STXBP5L: variants seen among roughly 807,000 people sequenced by gnomAD.
STXBP5L encodes syntaxin-binding protein 5-like.
A neutral mutation model predicts 144.5 loss-of-function variants in STXBP5L; 65 were observed. That is an observed-to-expected ratio of 0.45 (90% CI 0.37 to 0.55). The LOEUF is 0.55. Among genes scored for constraint, STXBP5L ranks in the 20% least tolerant of loss-of-function variants. STXBP5L has a pLI of 0.00. For synonymous variants in STXBP5L, 505 were observed against 469.6 expected (o/e 1.08, Z -0.97); for missense variants, 1,298 against 1,405.5 (o/e 0.92, Z 1.22).
At chr3:121,097,354 G>T (rs565132385) in intron 5 of STXBP5L, among the ~76,000 whole-genome samples, 2 of 152,266 alleles carry the variant, frequency 1.3e-5, no homozygotes, top group Admixed American at 1.3e-4. Flanking sequence ...AGCCACTGGG[G>T]TATGGAAAGA....
intron 5 of STXBP5L, among the ~76,000 whole-genome samples, chr3:121,048,462 T>G (rs992316505): frequency 6.6e-6 from 1 of 152,188 alleles, no homozygotes; most frequent in African/African-American, 2.4e-5. Flanking sequence ...TGCTCTCTCC[T>G]TATCTCTTGC....
Position 121,319,491 on chromosome 3 carries a change from C to A in STXBP5L, c.2176+951C>A, listed in dbSNP as rs140278017. ...AGGCTATGTATAATCTAGTTATATC[C>A]TATGTAAATTTTTCTCTTAGTCATA... On this transcript the variant is annotated intron_variant, in intron 20 of 26. Transcript: ENST00000471454. Among the ~76,000 whole-genome samples, 47 of 151,948 alleles carry A rather than the reference C, an allele frequency of 3.1e-4. No individual in the cohort carries two copies. The East Asian group carries it at 6.2e-3, about 20-fold the overall frequency.
chr3:121,007,459 T>A (rs570286077), intron 3 of STXBP5L, among the ~76,000 whole-genome samples: 1 of 152,070 alleles, frequency 6.6e-6, no homozygotes, highest in East Asian at 1.9e-4. Context: ...AATTAGTGTT[T>A]TTTTAATTCC....
chr3:120,908,931 TC>T (rs1259499850), intron 1 of STXBP5L, among the ~76,000 whole-genome samples: 1 of 151,520 alleles, frequency 6.6e-6, no homozygotes, highest in Non-Finnish European at 1.5e-5. Flanking sequence ...CCTCCCCCCC[TC>T]CCCGGCAGCT....
chr3:121,319,880 G>A (rs1303696602), intron 20 of STXBP5L, among the ~76,000 whole-genome samples: 2 of 152,168 alleles, frequency 1.3e-5, no homozygotes, highest in Non-Finnish European at 2.9e-5. Flanking sequence ...ACTTTGGGAG[G>A]CCAAGGGGGG....
chr3:121,020,425 T>A (rs1576680904), intron 3 of STXBP5L, among the ~76,000 whole-genome samples: 1 of 152,092 alleles, frequency 6.6e-6, no homozygotes, highest in East Asian at 1.9e-4. Flanking sequence ...CCTGGGAAAT[T>A]TATTGCAAAA....
intron 18 of STXBP5L, among the ~76,000 whole-genome samples, chr3:121,266,693 G>C (rs1053088813): frequency 6.6e-6 from 1 of 152,168 alleles, no homozygotes; most frequent in Non-Finnish European, 1.5e-5. Context: ...AATTGTCTCT[G>C]TTTGCAGATG....
At chr3:120,963,531 A>C (rs36200475) in intron 3 of STXBP5L, among the ~76,000 whole-genome samples, 1 of 152,162 alleles carries the variant, frequency 6.6e-6, no homozygotes, top group African/African-American at 2.4e-5. Flanking sequence ...TGAGATAATC[A>C]TGTGGTTTTT....
At chr3:121,359,135 G>T (rs1056618169) in intron 20 of STXBP5L, among the ~76,000 whole-genome samples, 2 of 151,906 alleles carry the variant, frequency 1.3e-5, no homozygotes, top group African/African-American at 2.4e-5. Flanking sequence ...CCTGTCTTTT[G>T]GATATAAGCC....
chr3:121,043,016 A>T (rs185506727), intron 4 of STXBP5L, among the ~76,000 whole-genome samples: 7 of 151,642 alleles, frequency 4.6e-5, no homozygotes, highest in Non-Finnish European at 8.8e-5. Context: ...ATTTGTTTCC[A>T]TGTGATTTGT....
chr3:121,000,128 G>C (rs977132754), intron 3 of STXBP5L, among the ~76,000 whole-genome samples: 7 of 152,030 alleles, frequency 4.6e-5, no homozygotes, highest in African/African-American at 1.7e-4. Flanking sequence ...GGGGTTCTCT[G>C]AATTTCCTGA....
chr3:121,103,220 G>A (rs1254781623), intron 5 of STXBP5L, among the ~76,000 whole-genome samples: 1 of 151,842 alleles, frequency 6.6e-6, no homozygotes, highest in Non-Finnish European at 1.5e-5. Context: ...AAAATAAATT[G>A]TTCTACCAAA....
intron 3 of STXBP5L, among the ~76,000 whole-genome samples, chr3:121,027,982 C>T (rs1946072855): frequency 6.6e-6 from 1 of 151,980 alleles, no homozygotes; most frequent in South Asian, 2.1e-4. Context: ...TAAACTGTCA[C>T]TTGATTTATT....
At chr3:121,217,998 T>C (rs1243558338) in intron 10 of STXBP5L, among the ~76,000 whole-genome samples, 5 of 145,066 alleles carry the variant, frequency 3.4e-5, no homozygotes, top group Admixed American at 2.1e-4. Context: ...TACTATATAA[T>C]ATATAGTATA....
At chr3:121,076,065 A>C (rs1336350788) in intron 5 of STXBP5L, among the ~76,000 whole-genome samples, 1 of 152,194 alleles carries the variant, frequency 6.6e-6, no homozygotes, top group Non-Finnish European at 1.5e-5. Flanking sequence ...AGAGATCAGT[A>C]GTAGAGAAGG....
intron 20 of STXBP5L, among the ~76,000 whole-genome samples, chr3:121,353,144 T>C (rs979532867): frequency 1.3e-5 from 2 of 152,158 alleles, no homozygotes; most frequent in East Asian, 3.8e-4. Flanking sequence ...TAAAATTCTC[T>C]TTTTTTGTTG....
chr3:121,276,286 TG>T (rs1208001627), intron 18 of STXBP5L, among the ~76,000 whole-genome samples: 1 of 152,008 alleles, frequency 6.6e-6, no homozygotes. Context: ...TACAACAGCA[TG>T]CTTCTATTTA....
intron 4 of STXBP5L, among the ~76,000 whole-genome samples, chr3:121,042,544 C>T (rs368688934): frequency 3.3e-5 from 5 of 151,912 alleles, no homozygotes; most frequent in African/African-American, 1.2e-4. Context: ...CTCAGTGTCT[C>T]GGAAAAAAAT....
intron 10 of STXBP5L, among the ~76,000 whole-genome samples, chr3:121,207,725 T>A (rs1421559023): frequency 2.0e-5 from 3 of 152,044 alleles, no homozygotes; most frequent in Non-Finnish European, 2.9e-5. Flanking sequence ...AACAGACACA[T>A]GAAAAAATGC....
Sources: allele counts gnomAD v4.1 joint callset (sites outside exome capture counted in the v4.1 genomes callset), GRCh38; gene constraint gnomAD v4.1.1; transcripts MANE v1.5; gene names NCBI Gene and HGNC (gene_info 2026-07-23, HGNC 2026-07-21).